Variants in TMEFF2 observed in about 807,000 individuals in gnomAD.
TMEFF2 encodes the protein transmembrane protein with EGF like and two follistatin like domains 2.
Under a neutral mutation model 53.8 loss-of-function variants are expected in TMEFF2, and 28 were observed. That is an observed-to-expected ratio of 0.52 (90% CI 0.39 to 0.71). TMEFF2 has a LOEUF of 0.71. Ranked by LOEUF, TMEFF2 falls within the 30% of genes least tolerant of loss-of-function variation. The pLI is 0.00. For synonymous variants in TMEFF2, 162 were observed against 166.3 expected (o/e 0.97, Z 0.20); for missense variants, 353 against 455.2 (o/e 0.78, Z 2.04).
intron 4 of TMEFF2, among the ~76,000 whole-genome samples, chr2:192,136,146 TCTA>T (rs1690003062): frequency 1.3e-5 from 2 of 152,284 alleles, no homozygotes; most frequent in African/African-American, 4.8e-5. Flanking sequence ...TAAATAGTAA[TCTA>T]CTAATTAAAC....
At chr2:192,164,314 C>G (rs780434122) in intron 4 of TMEFF2, among the ~76,000 whole-genome samples, 2 of 152,134 alleles carry the variant, frequency 1.3e-5, no homozygotes, top group South Asian at 4.1e-4. Flanking sequence ...CCCTTTGCTC[C>G]GAATGCCCTG....
intron 5 of TMEFF2, among the ~76,000 whole-genome samples, chr2:192,004,480 G>T (rs2105842505): frequency 6.6e-6 from 1 of 152,198 alleles, no homozygotes; most frequent in South Asian, 2.1e-4. Context: ...ATAAGGCTCT[G>T]ATAAAAAGGT....
chr2:192,086,551 T>C (rs768060954), intron 4 of TMEFF2, among the ~76,000 whole-genome samples: 2 of 152,058 alleles, frequency 1.3e-5, no homozygotes, highest in Non-Finnish European at 2.9e-5. Context: ...TCAAAAAAGG[T>C]AAAGGGCTGT....
intron 4 of TMEFF2, among the ~76,000 whole-genome samples, chr2:192,150,264 A>G (rs1690353147): frequency 6.6e-6 from 1 of 151,952 alleles, no homozygotes; most frequent in African/African-American, 2.4e-5. Context: ...TTGTTATTAA[A>G]ATAATCAGGC....
At chr2:192,135,146 C>G (rs963353594) in intron 4 of TMEFF2, among the ~76,000 whole-genome samples, 2 of 152,206 alleles carry the variant, frequency 1.3e-5, no homozygotes, top group Non-Finnish European at 2.9e-5. Flanking sequence ...TAGTCATACT[C>G]CTATTCTCCG....
intron 7 of TMEFF2, among the ~76,000 whole-genome samples, chr2:191,971,954 C>A (rs887389236): frequency 6.6e-6 from 1 of 152,000 alleles, no homozygotes; most frequent in African/African-American, 2.4e-5. Context: ...TCAGAGATAG[C>A]CCCGGAAGAG....
intron 5 of TMEFF2, among the ~76,000 whole-genome samples, chr2:192,035,802 T>C (rs943719024): frequency 3.9e-5 from 6 of 152,260 alleles, no homozygotes; most frequent in African/African-American, 1.4e-4. Flanking sequence ...TTTTATCAGC[T>C]GAATCAGAAC....
At chr2:191,992,110 G>C (rs1686123005) in intron 7 of TMEFF2, among the ~76,000 whole-genome samples, 1 of 151,980 alleles carries the variant, frequency 6.6e-6, no homozygotes, top group African/African-American at 2.4e-5. Context: ...CATTTCCTAG[G>C]CTTAAATATT....
intron 4 of TMEFF2, among the ~76,000 whole-genome samples, chr2:192,169,262 C>T (rs980805828): frequency 7.9e-5 from 12 of 152,112 alleles, no homozygotes; most frequent in Non-Finnish European, 1.3e-4. Context: ...TTTTCATTGA[C>T]TTTAGTCTTG....
intron 9 of TMEFF2, 47 bp from the exon 10 acceptor site, chr2:191,950,454 A>G (rs1456235471): frequency 1.2e-6 from 2 of 1,613,864 alleles, no homozygotes; most frequent in Admixed American, 1.7e-5. Flanking sequence ...GCTATTACCT[A>G]AAGTTTGGCC....
chr2:192,169,730 C>A (rs954619577), intron 4 of TMEFF2, among the ~76,000 whole-genome samples: 2 of 152,020 alleles, frequency 1.3e-5, no homozygotes, highest in African/African-American at 4.8e-5. Context: ...AGATATAGAT[C>A]TGAGAACTAT....
intron 7 of TMEFF2, among the ~76,000 whole-genome samples, chr2:191,982,832 G>T (rs1188038822): frequency 1.3e-5 from 2 of 151,988 alleles, no homozygotes; most frequent in Non-Finnish European, 2.9e-5. Flanking sequence ...TAAAAGTTTT[G>T]TTTATTTGTA....
intron 5 of TMEFF2, among the ~76,000 whole-genome samples, chr2:192,018,399 C>T (rs1221240291): frequency 6.6e-6 from 1 of 152,056 alleles, no homozygotes; most frequent in East Asian, 1.9e-4. Context: ...ATTGAGACAC[C>T]ATAAATAACC....
At chr2:191,981,169 T>A (rs1559070760) in intron 7 of TMEFF2, among the ~76,000 whole-genome samples, 2 of 152,114 alleles carry the variant, frequency 1.3e-5, no homozygotes. Context: ...CTATTGCAAA[T>A]GAGGAAAGAG....
At chr2:192,050,271 C>G (rs985304508) in intron 5 of TMEFF2, among the ~76,000 whole-genome samples, 5 of 152,130 alleles carry the variant, frequency 3.3e-5, no homozygotes, top group African/African-American at 7.2e-5. Context: ...TTGTAGCTGT[C>G]ATAACCTAAT....
At chr2:192,032,343 C>A (rs907507096) in intron 5 of TMEFF2, 3 of 152,006 alleles carry the variant, frequency 2.0e-5, no homozygotes, top group African/African-American at 7.3e-5. Flanking sequence ...AGATAAGGAC[C>A]CTTTTGGCTT....
At chr2:192,047,758 A>G (rs1025513055) in intron 5 of TMEFF2, among the ~76,000 whole-genome samples, 2 of 152,194 alleles carry the variant, frequency 1.3e-5, no homozygotes. Flanking sequence ...TAATTTTACA[A>G]TTTGTTCAAT....
chr2:192,000,633 G>A (rs1025091617), intron 5 of TMEFF2, among the ~76,000 whole-genome samples: 14 of 152,164 alleles, frequency 9.2e-5, no homozygotes, highest in Admixed American at 9.2e-4. Flanking sequence ...TGCTTGATCA[G>A]TCTGTTGATT....
intron 4 of TMEFF2, among the ~76,000 whole-genome samples, chr2:192,145,414 G>A (rs1253183387): frequency 6.6e-6 from 1 of 151,830 alleles, no homozygotes; most frequent in East Asian, 1.9e-4. Flanking sequence ...GTAACACAGA[G>A]TACCCATTTT....
Sources: allele counts gnomAD v4.1 joint callset (sites outside exome capture counted in the v4.1 genomes callset), GRCh38; gene constraint gnomAD v4.1.1; transcripts MANE v1.5; gene names NCBI Gene and HGNC (gene_info 2026-07-23, HGNC 2026-07-21).